The following ARMC9 variants were observed in gnomAD, a reference collection of about 807,000 sequenced individuals.
The protein encoded by ARMC9 is armadillo repeat containing 9.
Under a neutral mutation model 107.0 loss-of-function variants are expected in ARMC9, and 94 were observed. The observed-to-expected ratio is 0.88, with a 90% CI of 0.74 to 1.04. The LOEUF (loss-of-function observed/expected upper bound fraction) is 1.04. Ranked by LOEUF, ARMC9 falls within the 50% of genes least tolerant of loss-of-function variation. The pLI, the probability that ARMC9 is intolerant of heterozygous loss-of-function variation, is 0.00. For missense variants in ARMC9, 942 were observed against 1,030.1 expected, an observed-to-expected ratio of 0.91 and a Z score of 1.17; for synonymous variants, 380 against 396.9, an observed-to-expected ratio of 0.96 and a Z score of 0.51.
intron 9 of ARMC9, among the ~76,000 whole-genome samples, chr2:231,253,106 TTTTTTGTTTTTG>T (rs79818055): frequency 1.1e-3 from 164 of 149,048 alleles, no homozygotes; most frequent in African/African-American, 3.3e-3. Flanking sequence ...ATTTTCATTG[TTTTTTGTTTTTG>T]TTTTTGTTTT....
intron 17 of ARMC9, among the ~76,000 whole-genome samples, chr2:231,290,063 A>T (rs1384918391): frequency 1.3e-5 from 2 of 152,204 alleles, no homozygotes; most frequent in East Asian, 3.8e-4. Context: ...TACATGGGGG[A>T]GTTTAGTACA....
At chr2:231,218,755 T>C (rs2033797794) in intron 5 of ARMC9, among the ~76,000 whole-genome samples, 1 of 152,082 alleles carries the variant, frequency 6.6e-6, no homozygotes, top group Non-Finnish European at 1.5e-5. Flanking sequence ...AGTCAGTCTT[T>C]TGTTTTTTTT....
At chr2:231,287,183 C>T (rs2040654657) in intron 17 of ARMC9, among the ~76,000 whole-genome samples, 1 of 152,200 alleles carries the variant, frequency 6.6e-6, no homozygotes, top group Admixed American at 6.5e-5. Flanking sequence ...CTCCAGTGAC[C>T]CTGGGGCCCA....
At position 231,375,160 on chromosome 2, in the gene ARMC9, T is replaced by G. The variant is rs998095817; in HGVS notation, c.*3625T>G. On this transcript the variant is annotated 3_prime_UTR_variant, in exon 25 of 25. Transcript: ENST00000611582. The surrounding 1 kb of genome is among the most constrained non-coding windows in gnomAD (Gnocchi z 4.3). ...GGGCACGGACAGGCGATTCTTCTGC[T>G]GGGCTTGGCTGAACTCAACTATGTC... Among the ~76,000 whole-genome samples the G allele has an allele frequency of 1.3e-5, 2 of 152,256 alleles. No individual in the cohort carries two copies. Among genetic ancestry groups the G allele is most frequent in the African/African-American group, 4.8e-5 (2 of 41,464 alleles).
chr2:231,290,863 G>T (rs2040937234), intron 17 of ARMC9, among the ~76,000 whole-genome samples: 2 of 150,332 alleles, frequency 1.3e-5, no homozygotes, highest in South Asian at 4.2e-4. Flanking sequence ...TATAAATTTA[G>T]GGAAAACACA....
rs1559368617 is a variant in ARMC9 at position 231,262,317 on chromosome 2, A to G, written c.1038A>G (p.Thr346=). ...LLQALRWRLT[T]SHPGEQRETV... is the part of the protein sequence containing the mutation. ...TTTCTTTGCTCCAGCGCTTGACCAC[A>G]TCCCATCCTGGAGAGCAGAGGGAGA... is the stretch of plus-strand genomic sequence containing the variant. The change falls in exon 12 of 25, where the codon ACA becomes ACG. Residue 346 remains threonine, a synonymous_variant. Coordinates refer to ENST00000611582, the MANE Select transcript of ARMC9 (RefSeq NM_001352754.2). 2 of 1,614,144 alleles carry G rather than the reference A, an allele frequency of 1.2e-6. No individual in the cohort carries two copies. Among genetic ancestry groups the G allele is most frequent in the Admixed American group, 1.7e-5 (1 of 60,020 alleles).
chr2:231,338,680 T>C (rs1037261468), intron 20 of ARMC9, among the ~76,000 whole-genome samples: 3 of 151,496 alleles, frequency 2.0e-5, no homozygotes, highest in African/African-American at 7.3e-5. Flanking sequence ...CAAATTCAAA[T>C]GTTAAAAATT....
At chr2:231,224,002 T>TA (rs2034407931) in intron 6 of ARMC9, among the ~76,000 whole-genome samples, 1 of 152,192 alleles carries the variant, frequency 6.6e-6, no homozygotes, top group African/African-American at 2.4e-5. Context: ...TTTTTCTTGA[T>TA]ACTGCTCCTT....
At chr2:231,219,786 T>TC (rs532633770) in intron 5 of ARMC9, among the ~76,000 whole-genome samples, 58 of 151,288 alleles carry the variant, frequency 3.8e-4, no homozygotes, top group Admixed American at 2.4e-3. Context: ...TCTTTTTTTT[T>TC]CATTAAAAAA....
intron 7 of ARMC9, among the ~76,000 whole-genome samples, chr2:231,233,668 C>T (rs763815449): frequency 6.6e-6 from 1 of 151,880 alleles, no homozygotes; most frequent in Non-Finnish European, 1.5e-5. Context: ...CCCAGCTACT[C>T]GGGAAGCTGA....
At chr2:231,219,835 C>G (rs1388437401) in intron 5 of ARMC9, among the ~76,000 whole-genome samples, 2 of 151,662 alleles carry the variant, frequency 1.3e-5, no homozygotes, top group Non-Finnish European at 2.9e-5. Context: ...ACCATTTTGA[C>G]TTTTCTTTTT....
chr2:231,290,668 C>A (rs980441018), intron 17 of ARMC9, among the ~76,000 whole-genome samples: 1 of 152,142 alleles, frequency 6.6e-6, no homozygotes, highest in African/African-American at 2.4e-5. Flanking sequence ...AATTCTTTTA[C>A]CCAATATTGA....
At chr2:231,262,222 T>G in intron 11 of ARMC9, 84 bp from the exon 12 acceptor site, 2 of 1,222,436 alleles carry the variant, frequency 1.6e-6, no homozygotes, top group Non-Finnish European at 2.4e-6. Context: ...GTACTGATAC[T>G]GCCATCTAAA....
At chr2:231,338,327 T>C (rs541340630) in intron 20 of ARMC9, among the ~76,000 whole-genome samples, 7 of 151,266 alleles carry the variant, frequency 4.6e-5, no homozygotes, top group Non-Finnish European at 1.0e-4. Context: ...CATGCAATTC[T>C]CGTGCCTCAG....
chr2:231,242,788 C>A (rs2036417948), intron 9 of ARMC9, among the ~76,000 whole-genome samples: 1 of 152,174 alleles, frequency 6.6e-6, no homozygotes, highest in African/African-American at 2.4e-5. Flanking sequence ...TTCCCATCTT[C>A]TATAGGAGGA....
At chr2:231,331,738 C>T in intron 19 of ARMC9, 55 bp from the exon 20 acceptor site, 1 of 1,516,576 alleles carries the variant, frequency 6.6e-7, no homozygotes, top group Non-Finnish European at 9.1e-7. Context: ...GGAGCCACGC[C>T]TTGGGAGCTT....
intron 7 of ARMC9, among the ~76,000 whole-genome samples, chr2:231,234,788 T>C (rs1290270195): frequency 6.6e-6 from 1 of 152,128 alleles, no homozygotes; most frequent in Non-Finnish European, 1.5e-5. Flanking sequence ...ATTTTTTTAG[T>C]AGAGATGGGA....
intron 12 of ARMC9, among the ~76,000 whole-genome samples, chr2:231,269,594 A>G (rs1004202763): frequency 3.3e-5 from 5 of 151,654 alleles, no homozygotes; most frequent in Non-Finnish European, 7.4e-5. Flanking sequence ...CATGTTGGCC[A>G]GGCTGGTCTC....
At chr2:231,226,153 G>T (rs1190713783) in intron 6 of ARMC9, among the ~76,000 whole-genome samples, 3 of 152,228 alleles carry the variant, frequency 2.0e-5, no homozygotes, top group Non-Finnish European at 4.4e-5. Context: ...CACCACACTG[G>T]CCTGAAAGGT....
Sources: allele counts gnomAD v4.1 joint callset (sites outside exome capture counted in the v4.1 genomes callset), GRCh38; gene constraint gnomAD v4.1.1; non-coding constraint Gnocchi (gnomAD v3.1); transcripts MANE v1.5; gene names NCBI Gene and HGNC (gene_info 2026-07-23, HGNC 2026-07-21).